The following CA10 variants were observed in gnomAD, a reference collection of about 807,000 sequenced individuals.
The protein encoded by CA10 is carbonic anhydrase 10 (inactive), also known as carbonic anhydrase-related protein 10.
In CA10, 14 loss-of-function variants were observed where a neutral mutation model predicts 44.2. The ratio of observed to expected loss-of-function variants is 0.32; its 90% CI spans 0.21 to 0.50. The LOEUF (loss-of-function observed/expected upper bound fraction) is 0.50, where lower values mean the gene tolerates loss of function less well. Among genes scored for constraint, CA10 ranks in the 20% least tolerant of loss-of-function variants. CA10 has a pLI of 0.99. For synonymous variants in CA10, 159 were observed against 141.6 expected, an observed-to-expected ratio of 1.12 and a Z score of -0.87; for missense variants, 350 against 409.7, an observed-to-expected ratio of 0.85 and a Z score of 1.26.
intron 1 of CA10, chr17:52,134,737 T>G (rs1193458543): frequency 5.1e-6 from 2 of 392,084 alleles, no homozygotes; most frequent in Non-Finnish European, 5.2e-6. Flanking sequence ...CTTCACAGTA[T>G]TTTGCAATTC....
chr17:51,631,460 A>G lies in CA10; in HGVS notation c.*124T>C, dbSNP rs1912568278. 2 of 923,636 alleles carry G rather than the reference A, an allele frequency of 2.2e-6. No individual in the cohort carries two copies. The highest frequency in any genetic ancestry group is 3.5e-6 in the Non-Finnish European group (2 of 564,984). 57.2% of individuals were successfully genotyped at this position (923,636 alleles called of 1,614,324 possible). A position where few individuals can be genotyped will look rare whatever the true frequency, so the allele number is the denominator to read the frequency against. On this transcript the variant is annotated 3_prime_UTR_variant, in exon 9 of 9. Transcript: ENST00000451037. ...GACACTTTTCATGAAGAAAGGGCCAATCCCAAGAATGAATGAGGCTTGGGG... is the reference window on the plus strand; with the variant it reads ...GACACTTTTCATGAAGAAAGGGCCAGTCCCAAGAATGAATGAGGCTTGGGG...
chr17:52,040,874 A>G (rs1250535172), intron 2 of CA10, among the ~76,000 whole-genome samples: 1 of 152,040 alleles, frequency 6.6e-6, no homozygotes, highest in African/African-American at 2.4e-5. Context: ...AGCATGCTGG[A>G]GAGAAGAATA....
intron 2 of CA10, among the ~76,000 whole-genome samples, chr17:52,033,112 C>A (rs184382137): frequency 6.6e-6 from 1 of 152,100 alleles, no homozygotes; most frequent in East Asian, 1.9e-4. Context: ...TGCGTTGGGT[C>A]ATGAAGGAAA....
intron 2 of CA10, among the ~76,000 whole-genome samples, chr17:51,959,945 A>G (rs1485235155): frequency 1.3e-5 from 2 of 152,010 alleles, no homozygotes; most frequent in South Asian, 2.1e-4. Flanking sequence ...AAGTCAATCA[A>G]CTGACATCAA....
At chr17:51,717,076 G>T (rs1287936909) in intron 4 of CA10, among the ~76,000 whole-genome samples, 1 of 152,180 alleles carries the variant, frequency 6.6e-6, no homozygotes, top group Non-Finnish European at 1.5e-5. Flanking sequence ...CTGGCACAGA[G>T]CTCCTAAAAC....
intron 3 of CA10, among the ~76,000 whole-genome samples, chr17:51,800,938 C>T (rs1432439275): frequency 6.6e-6 from 1 of 152,184 alleles, no homozygotes; most frequent in Non-Finnish European, 1.5e-5. Context: ...CTTGCCCTCT[C>T]TGGTCCTACC....
intron 2 of CA10, among the ~76,000 whole-genome samples, chr17:52,051,443 T>C (rs1987068623): frequency 6.8e-6 from 1 of 147,452 alleles, no homozygotes; most frequent in Admixed American, 6.7e-5. Context: ...TAACTTAAAT[T>C]CACAAGAAAA....
chr17:51,913,320 C>A (rs1981862177), intron 3 of CA10, among the ~76,000 whole-genome samples: 1 of 152,112 alleles, frequency 6.6e-6, no homozygotes, highest in South Asian at 2.1e-4. Context: ...AGTTGAAGAA[C>A]TGAAGGCAGG....
chr17:51,839,177 G>A (rs1978298794), intron 3 of CA10, among the ~76,000 whole-genome samples: 1 of 152,136 alleles, frequency 6.6e-6, no homozygotes, highest in Admixed American at 6.5e-5. Context: ...TCCCTACCAT[G>A]TGCAGAATGT....
In CA10 at chr17:51,991,491, C is replaced by T. The variant is rs147226231; in HGVS notation, c.137-60359G>A. Reference sequence around the variant, plus strand: ...CCTTCTTGGGCATTTACTACAATGCCAGGAATAAACAGGTGCTTAATAAAT... The same window carrying T: ...CCTTCTTGGGCATTTACTACAATGCTAGGAATAAACAGGTGCTTAATAAAT... On this transcript the variant is annotated intron_variant, in intron 2 of 8. Transcript: ENST00000451037. Among the ~76,000 whole-genome samples, 8 of 152,180 alleles carry T rather than the reference C, an allele frequency of 5.3e-5. No homozygotes were observed. The East Asian group carries it at 1.4e-3, about 26-fold the overall frequency.
At chr17:51,910,973 A>G (rs969546675) in intron 3 of CA10, among the ~76,000 whole-genome samples, 2 of 152,202 alleles carry the variant, frequency 1.3e-5, no homozygotes, top group African/African-American at 4.8e-5. Flanking sequence ...ATTTTCAAGT[A>G]AAAGCCAGTC....
intron 3 of CA10, among the ~76,000 whole-genome samples, chr17:51,892,890 C>A (rs142049994): frequency 6.6e-6 from 1 of 152,100 alleles, no homozygotes; most frequent in Non-Finnish European, 1.5e-5. Context: ...ACTGGAACAA[C>A]GCTAGCAGCT....
intron 4 of CA10, among the ~76,000 whole-genome samples, chr17:51,688,440 G>A (rs1337233597): frequency 6.6e-6 from 1 of 152,164 alleles, no homozygotes; most frequent in Non-Finnish European, 1.5e-5. Context: ...TTGAATTACG[G>A]TTTGCACGAC....
Position 51,654,297 on chromosome 17 carries a change from T to C in CA10, c.466-561A>G, listed in dbSNP as rs757382814. Among the ~76,000 whole-genome samples, 48 of 152,356 alleles carry C rather than the reference T, an allele frequency of 3.2e-4. No homozygotes were observed. The Middle Eastern group carries it at 0.014, about 43-fold the overall frequency. ...GGTTGTGTAGGACTTTATTTCCTCCTCATTCAATAAGGATCAGTCCACCTG... is the reference window on the plus strand; with the variant it reads ...GGTTGTGTAGGACTTTATTTCCTCCCCATTCAATAAGGATCAGTCCACCTG... On this transcript the variant is annotated intron_variant, in intron 4 of 8. Coordinates refer to ENST00000451037, the MANE Select transcript of CA10 (RefSeq NM_020178.5).
intron 3 of CA10, among the ~76,000 whole-genome samples, chr17:51,778,866 G>A (rs996308914): frequency 2.6e-5 from 4 of 152,148 alleles, no homozygotes; most frequent in South Asian, 2.1e-4. Flanking sequence ...ACTGCTTAGC[G>A]GAAACTGCTG....
intron 4 of CA10, among the ~76,000 whole-genome samples, chr17:51,743,728 C>T (rs1904556517): frequency 6.6e-6 from 1 of 152,186 alleles, no homozygotes; most frequent in African/African-American, 2.4e-5. Flanking sequence ...GGGCAGATGG[C>T]AATGTGATCA....
intron 3 of CA10, among the ~76,000 whole-genome samples, chr17:51,823,212 G>A (rs1228366776): frequency 6.6e-6 from 1 of 152,226 alleles, no homozygotes; most frequent in Non-Finnish European, 1.5e-5. Context: ...CAGGAAAGGA[G>A]TTAGCGAAAT....
At chr17:51,728,936 G>A (rs1282688201) in intron 4 of CA10, among the ~76,000 whole-genome samples, 1 of 152,090 alleles carries the variant, frequency 6.6e-6, no homozygotes, top group African/African-American at 2.4e-5. Flanking sequence ...GGGTGGTTAG[G>A]GACAGTTTCA....
At position 51,991,790 on chromosome 17, in the gene CA10, C is replaced by A. The variant is rs139280641; in HGVS notation, c.137-60658G>T. Among the ~76,000 whole-genome samples, 1,013 of 152,240 alleles carry A rather than the reference C, an allele frequency of 6.7e-3. 12 individuals are homozygous for A. Among genetic ancestry groups the A allele is most frequent in the African/African-American group, 0.023 (959 of 41,538 alleles). On this transcript the variant is annotated intron_variant, in intron 2 of 8. Transcript: ENST00000451037. ...CGCCACTGCACTCCAGACTGGGCAA[C>A]AAGAGCGAAACTCCATTTCAAAATA... is the stretch of plus-strand genomic sequence containing the variant.
Sources: allele counts gnomAD v4.1 joint callset (sites outside exome capture counted in the v4.1 genomes callset), GRCh38; gene constraint gnomAD v4.1.1; transcripts MANE v1.5; gene names NCBI Gene and HGNC (gene_info 2026-07-23, HGNC 2026-07-21).